The following SHISA9 variants were observed in gnomAD, a reference collection of about 807,000 sequenced individuals.
The protein encoded by SHISA9 is protein shisa-9.
A neutral mutation model predicts 38.0 loss-of-function variants in SHISA9; 13 were observed. The ratio of observed to expected loss-of-function variants is 0.34; its 90% CI spans 0.22 to 0.54. The LOEUF (loss-of-function observed/expected upper bound fraction) is 0.54, where lower values mean the gene tolerates loss of function less well. Among genes scored for constraint, SHISA9 ranks in the 20% least tolerant of loss-of-function variants. The pLI, the probability that SHISA9 is intolerant of heterozygous loss-of-function variation, is 0.91. For synonymous variants in SHISA9, 275 were observed against 242.0 expected, an observed-to-expected ratio of 1.14 and a Z score of -1.27; for missense variants, 538 against 575.8, an observed-to-expected ratio of 0.93 and a Z score of 0.67.
intron 2 of SHISA9, among the ~76,000 whole-genome samples, chr16:13,042,859 C>A (rs2073147413): frequency 6.6e-6 from 1 of 152,182 alleles, no homozygotes; most frequent in South Asian, 2.1e-4. Context: ...TTGGCTGCCA[C>A]TGTATCACTA....
the SHISA9 span, among the ~76,000 whole-genome samples, chr16:13,457,784 G>A: frequency 2.0e-5 from 3 of 151,960 alleles, no homozygotes; most frequent in Admixed American, 2.0e-4. Context: ...AACAGGAACT[G>A]AAGGCTCAGG....
intron 2 of SHISA9, among the ~76,000 whole-genome samples, chr16:13,054,986 C>G (rs566216486): frequency 6.6e-6 from 1 of 152,186 alleles, no homozygotes; most frequent in Non-Finnish European, 1.5e-5. Flanking sequence ...CCTTCAGTGA[C>G]GTTTCCAAAG....
the SHISA9 span, among the ~76,000 whole-genome samples, chr16:13,446,205 A>G: frequency 6.6e-6 from 1 of 152,104 alleles, no homozygotes; most frequent in Non-Finnish European, 1.5e-5. Flanking sequence ...TCAGCCTCCC[A>G]AAGTGCTGGG....
intron 2 of SHISA9, among the ~76,000 whole-genome samples, chr16:13,155,358 A>T (rs945086798): frequency 2.6e-5 from 4 of 152,206 alleles, no homozygotes; most frequent in African/African-American, 9.6e-5. Flanking sequence ...AATGAAATGG[A>T]TTGAAATGGA....
At chr16:12,982,461 C>T (rs1452967326) in intron 2 of SHISA9, among the ~76,000 whole-genome samples, 1 of 152,158 alleles carries the variant, frequency 6.6e-6, no homozygotes, top group Admixed American at 6.5e-5. Flanking sequence ...TGCAGAAAGT[C>T]ATTCACAAAC....
chr16:13,008,212 A>AT (rs1274697979), intron 2 of SHISA9, among the ~76,000 whole-genome samples: 7 of 152,096 alleles, frequency 4.6e-5, no homozygotes, highest in African/African-American at 7.2e-5. Context: ...CAACTCTGAG[A>AT]TTTTTTTTAC....
At chr16:13,439,224 G>A in the SHISA9 span, among the ~76,000 whole-genome samples, 2 of 152,312 alleles carry the variant, frequency 1.3e-5, no homozygotes, top group Middle Eastern at 3.4e-3. Flanking sequence ...GGGGCCAGGG[G>A]GAGAAGGACG....
the SHISA9 span, among the ~76,000 whole-genome samples, chr16:13,531,254 C>T: frequency 1.5e-3 from 221 of 152,236 alleles, no homozygotes; most frequent in African/African-American, 5.1e-3. Context: ...CCCAGTCAAA[C>T]CTGGGACCCC....
At chr16:13,252,075 T>C in the SHISA9 span, among the ~76,000 whole-genome samples, 1 of 152,140 alleles carries the variant, frequency 6.6e-6, no homozygotes, top group Non-Finnish European at 1.5e-5. Flanking sequence ...GTTCCCTCCT[T>C]TTCACTCCAT....
intron 2 of SHISA9, among the ~76,000 whole-genome samples, chr16:13,159,979 C>T (rs1439508218): frequency 6.6e-6 from 1 of 152,194 alleles, no homozygotes; most frequent in African/African-American, 2.4e-5. Flanking sequence ...GATAATTTTC[C>T]ATTCTGGTAG....
intron 2 of SHISA9, among the ~76,000 whole-genome samples, chr16:12,955,077 C>A (rs1392094697): frequency 6.6e-6 from 1 of 151,574 alleles, no homozygotes; most frequent in African/African-American, 2.4e-5. Context: ...TTTATTCTTG[C>A]CTAGTGTTTC....
chr16:13,286,711 A>G, the SHISA9 span, among the ~76,000 whole-genome samples: 1 of 152,332 alleles, frequency 6.6e-6, no homozygotes, highest in East Asian at 1.9e-4. Context: ...GATCAAAAGT[A>G]TCCTAGGACA....
the SHISA9 span, among the ~76,000 whole-genome samples, chr16:13,320,292 CAAAAAAA>C: frequency 5.1e-4 from 20 of 38,978 alleles, no homozygotes; most frequent in South Asian, 2.8e-3. Flanking sequence ...GACTCTGTCT[CAAAAAAA>C]AAAAAAAAAA....
At chr16:12,976,007 A>G (rs2072157016) in intron 2 of SHISA9, among the ~76,000 whole-genome samples, 1 of 152,094 alleles carries the variant, frequency 6.6e-6, no homozygotes, top group African/African-American at 2.4e-5. Context: ...AATTAGTTTC[A>G]CTTGGCAACA....
the SHISA9 span, among the ~76,000 whole-genome samples, chr16:13,375,253 A>G: frequency 6.6e-6 from 1 of 152,158 alleles, no homozygotes; most frequent in African/African-American, 2.4e-5. Flanking sequence ...TCCCATGCCT[A>G]TGTCCTGAAT....
At chr16:13,300,973 CT>C in the SHISA9 span, among the ~76,000 whole-genome samples, 1 of 151,840 alleles carries the variant, frequency 6.6e-6, no homozygotes, top group Non-Finnish European at 1.5e-5. Context: ...TTTCACTCTC[CT>C]GTGACTCTTT....
At chr16:13,470,021 T>C in the SHISA9 span, among the ~76,000 whole-genome samples, 1 of 152,238 alleles carries the variant, frequency 6.6e-6, no homozygotes, top group African/African-American at 2.4e-5. Flanking sequence ...CAGTTCTCTC[T>C]TCGTGATGGA....
chr16:13,063,730 A>C (rs2073402624), intron 2 of SHISA9, among the ~76,000 whole-genome samples: 1 of 152,194 alleles, frequency 6.6e-6, no homozygotes, highest in Admixed American at 6.5e-5. Context: ...TAACAGAGAC[A>C]CACACATTGG....
At chr16:12,980,094 G>T (rs545455405) in intron 2 of SHISA9, among the ~76,000 whole-genome samples, 1 of 152,266 alleles carries the variant, frequency 6.6e-6, no homozygotes. Flanking sequence ...TTTTAATCCT[G>T]TGCTTTTATA....
Sources: allele counts gnomAD v4.1 joint callset (sites outside exome capture counted in the v4.1 genomes callset), GRCh38; gene constraint gnomAD v4.1.1; transcripts MANE v1.5; gene names NCBI Gene and HGNC (gene_info 2026-07-23, HGNC 2026-07-21).